Variants in FAM222B observed in about 807,000 individuals in gnomAD.
FAM222B encodes the protein protein FAM222B.
In FAM222B, 12 loss-of-function variants were observed where a neutral mutation model predicts 38.0. The observed-to-expected ratio is 0.32, with a 90% CI of 0.20 to 0.51. The LOEUF (loss-of-function observed/expected upper bound fraction) is 0.51. Ranked by LOEUF, FAM222B falls within the 20% of genes least tolerant of loss-of-function variation. The probability of loss-of-function intolerance (pLI) is 0.97; values close to 1 mark genes in which losing one functional copy is unlikely to be tolerated. For missense variants in FAM222B, 716 were observed against 754.2 expected, an observed-to-expected ratio of 0.95 and a Z score of 0.59; for synonymous variants, 329 against 317.2, an observed-to-expected ratio of 1.04 and a Z score of -0.40.
intron 1 of FAM222B, among the ~76,000 whole-genome samples, chr17:28,772,496 G>A (rs968206855): frequency 4.6e-5 from 7 of 151,008 alleles, no homozygotes; most frequent in Non-Finnish European, 1.0e-4. Flanking sequence ...AGGCCGAGGC[G>A]GGCGGATCAC....
In FAM222B at chr17:28,758,946, G is replaced by A. The variant is rs1418739171; in HGVS notation, c.1013C>T (p.Pro338Leu). Residue 338 changes from proline (P) to leucine (L), a missense_variant, in exon 3 of 3, where the codon CCT (proline) becomes CTT (leucine). By Grantham distance (98) the Pro-to-Leu change is moderately conservative (BLOSUM62 -3). Coordinates refer to ENST00000581407, the MANE Select transcript of FAM222B (RefSeq NM_001077498.3). ...GGGCAGGTTGACAGGACCTGCAGCA[G>A]GCAACGCGGCGGTGGCCGCGTGGGT... Reference protein sequence around the residue: ...EHTHAATAALPAAGPVNLPTG... With the variant: ...EHTHAATAALLAAGPVNLPTG... The A allele has an allele frequency of 2.5e-6, 4 of 1,609,940 alleles. No homozygotes were observed. The highest frequency in any genetic ancestry group is 3.4e-6 in the Non-Finnish European group (4 of 1,178,430).
upstream of FAM222B, among the ~76,000 whole-genome samples, chr17:28,844,266 C>G (rs1287728832): frequency 6.6e-6 from 1 of 152,110 alleles, no homozygotes; most frequent in African/African-American, 2.4e-5. Context: ...GCGCTGGTCT[C>G]CTCTCTTCAG....
At chr17:28,768,635 G>A (rs530226265) in intron 1 of FAM222B, among the ~76,000 whole-genome samples, 2 of 152,046 alleles carry the variant, frequency 1.3e-5, no homozygotes, top group South Asian at 2.1e-4. Context: ...TCAGGAGTTC[G>A]AGAACAGCGT....
intron 1 of FAM222B, among the ~76,000 whole-genome samples, chr17:28,797,625 G>A (rs947190533): frequency 3.3e-5 from 5 of 152,106 alleles, no homozygotes; most frequent in African/African-American, 1.2e-4. Context: ...GGTGGTTTTT[G>A]TAAGGTCATT....
intron 1 of FAM222B, among the ~76,000 whole-genome samples, chr17:28,789,447 C>T (rs2036571001): frequency 6.6e-6 from 1 of 152,152 alleles, no homozygotes; most frequent in African/African-American, 2.4e-5. Context: ...CCTGCCTCGG[C>T]CCCCCAAATT....
chr17:28,826,901 G>C (rs1373169465), intron 1 of FAM222B, among the ~76,000 whole-genome samples: 1 of 152,066 alleles, frequency 6.6e-6, no homozygotes, highest in Non-Finnish European at 1.5e-5. Flanking sequence ...AGCACTTTGC[G>C]AGGCTGAGGT....
chr17:28,758,060 G>A lies in FAM222B; in HGVS notation c.*210C>T. On this transcript the variant is annotated 3_prime_UTR_variant, in exon 3 of 3. Transcript: ENST00000581407. ...GTGGAGAGAAAAGCCTGGGCTTAGG[G>A]TTAGGTTCTAACATAAAACCAAAAG... 1 of 495,556 alleles carries A rather than the reference G, an allele frequency of 2.0e-6. No homozygotes were observed. The highest frequency in any genetic ancestry group is 3.4e-5 in the South Asian group (1 of 29,126). The allele number at this position is 495,556 out of a possible 1,614,324, so 30.7% of individuals were successfully genotyped here.
At chr17:28,836,461 G>A (rs2038848785) in intron 1 of FAM222B, among the ~76,000 whole-genome samples, 1 of 152,052 alleles carries the variant, frequency 6.6e-6, no homozygotes, top group Non-Finnish European at 1.5e-5. Flanking sequence ...CAGATGCTGA[G>A]TTAAAGAAGG....
At chr17:28,775,039 T>G (rs1190277116) in intron 1 of FAM222B, among the ~76,000 whole-genome samples, 1 of 148,062 alleles carries the variant, frequency 6.8e-6, no homozygotes, top group East Asian at 2.0e-4. Context: ...CTTGCTCTGT[T>G]GCCCCGGCTG....
chr17:28,796,567 C>G (rs2036947277), intron 1 of FAM222B, among the ~76,000 whole-genome samples: 2 of 152,288 alleles, frequency 1.3e-5, no homozygotes, highest in South Asian at 4.1e-4. Flanking sequence ...CTAAATGCAT[C>G]ATGTGCCACC....
chr17:28,766,810 T>TA, intron 1 of FAM222B, 103 bp from the exon 2 acceptor site: 1 of 618,986 alleles, frequency 1.6e-6, no homozygotes, highest in South Asian at 2.0e-5. Flanking sequence ...TTTAGACACA[T>TA]AAAGCAATTT....
At position 28,758,061 on chromosome 17, in the gene FAM222B, T is replaced by G; in HGVS notation, c.*209A>C. The G allele has an allele frequency of 4.1e-6, 2 of 485,114 alleles. No homozygotes were observed. The highest frequency in any genetic ancestry group is 1.9e-5 in the African/African-American group (1 of 51,316). The allele number at this position is 485,114 out of a possible 1,614,324, so 30.1% of individuals were successfully genotyped here. ...TGGAGAGAAAAGCCTGGGCTTAGGGTTAGGTTCTAACATAAAACCAAAAGT... is the reference window on the plus strand; with the variant it reads ...TGGAGAGAAAAGCCTGGGCTTAGGGGTAGGTTCTAACATAAAACCAAAAGT... On this transcript the variant is annotated 3_prime_UTR_variant, in exon 3 of 3. Coordinates refer to ENST00000581407, the MANE Select transcript of FAM222B (RefSeq NM_001077498.3).
intron 1 of FAM222B, among the ~76,000 whole-genome samples, chr17:28,794,702 GTCT>G (rs375249521): frequency 1.4e-4 from 21 of 152,288 alleles, no homozygotes; most frequent in Middle Eastern, 3.4e-3. Context: ...GGACCTACAA[GTCT>G]TCTTCTTCAA....
intron 1 of FAM222B, among the ~76,000 whole-genome samples, chr17:28,833,420 T>C (rs1454269438): frequency 6.6e-6 from 1 of 151,206 alleles, no homozygotes; most frequent in Non-Finnish European, 1.5e-5. Flanking sequence ...AGTTCGAGAC[T>C]ACCCTGGCCA....
At chr17:28,805,856 T>C (rs529638288) in intron 1 of FAM222B, among the ~76,000 whole-genome samples, 2 of 152,228 alleles carry the variant, frequency 1.3e-5, no homozygotes, top group South Asian at 4.1e-4. Flanking sequence ...AAATGTGCCC[T>C]TGAGGCAGGG....
rs1303266523 is a variant in FAM222B at position 28,759,347 on chromosome 17, T to A, written c.612A>T (p.Gln204His). 2 of 1,609,986 alleles carry A rather than the reference T, an allele frequency of 1.2e-6. No homozygotes were observed. The highest frequency in any genetic ancestry group is 1.7e-6 in the Non-Finnish European group (2 of 1,178,528). The change falls in exon 3 of 3, where the codon CAA becomes CAT. Residue 204 changes from glutamine (Q) to histidine (H), a missense_variant. By Grantham distance (24) the Gln-to-His change is conservative. Transcript: ENST00000581407. The surrounding 1 kb of genome is among the most constrained non-coding windows in gnomAD (Gnocchi z 4.8). ...CCTGAGGGTGGACCAAGCCCTGGGT[T>A]TGGGCCATGGGCTGAGGGTGGCCCA... ...QGLGHPQPMA[Q>H]TQGLVHPQAL...
intron 1 of FAM222B, among the ~76,000 whole-genome samples, chr17:28,798,011 C>T (rs1326754629): frequency 6.6e-6 from 1 of 152,056 alleles, no homozygotes; most frequent in African/African-American, 2.4e-5. Flanking sequence ...GAGCCATGAT[C>T]GTGCCATTAC....
rs996386080 is a variant in FAM222B at position 28,759,827 on chromosome 17, T to C, written c.132A>G (p.Glu44=). 2 of 1,584,208 alleles carry C rather than the reference T, an allele frequency of 1.3e-6. No individual in the cohort carries two copies. The highest frequency in any genetic ancestry group is 2.7e-5 in the African/African-American group (2 of 74,334). ...MRTAHYPTPA[E]LDAYAKKVAN... ...CGACCTTCTTAGCATACGCATCCAATTCGGCTGGGGTAGGATAGTGAGCAG... is the reference window on the plus strand; with the variant it reads ...CGACCTTCTTAGCATACGCATCCAACTCGGCTGGGGTAGGATAGTGAGCAG... The change falls in exon 3 of 3, where the codon GAA becomes GAG. Residue 44 remains glutamate (E), a synonymous_variant. Coordinates refer to ENST00000581407, the MANE Select transcript of FAM222B (RefSeq NM_001077498.3). The surrounding 1 kb of genome is among the most constrained non-coding windows in gnomAD (Gnocchi z 4.8).
chr17:28,848,279 A>G (rs916359714), intron 1 of FAM222B, among the ~76,000 whole-genome samples: 2 of 152,104 alleles, frequency 1.3e-5, no homozygotes, highest in African/African-American at 4.8e-5. Flanking sequence ...TAAAACAATC[A>G]TCATGGGCTA....
Sources: gnomAD v4.1 joint callset for allele counts (sites outside exome capture counted in the v4.1 genomes callset) on GRCh38, gnomAD v4.1.1 for gene constraint, Gnocchi (gnomAD v3.1) non-coding constraint, MANE v1.5 for transcripts, NCBI Gene and HGNC (gene_info 2026-07-23, HGNC 2026-07-21) for gene names.